Variants in ST6GALNAC5 observed in about 807,000 individuals in gnomAD.
ST6GALNAC5 encodes the protein ST6 N-acetylgalactosaminide alpha-2,6-sialyltransferase 5, also known as alpha-N-acetylgalactosaminide alpha-2,6-sialyltransferase 5.
In ST6GALNAC5, 27 loss-of-function variants were observed where a neutral mutation model predicts 33.6. That is an observed-to-expected ratio of 0.80 (90% CI 0.59 to 1.11). The LOEUF (loss-of-function observed/expected upper bound fraction) is 1.11. Among genes scored for constraint, ST6GALNAC5 ranks in the 50% least tolerant of loss-of-function variants. The pLI is 0.00. For synonymous variants in ST6GALNAC5, 194 were observed against 171.2 expected, an observed-to-expected ratio of 1.13 and a Z score of -1.04; for missense variants, 428 against 454.0, an observed-to-expected ratio of 0.94 and a Z score of 0.52.
At chr1:77,046,192 A>T (rs1652003896) in intron 3 of ST6GALNAC5, among the ~76,000 whole-genome samples, 1 of 152,228 alleles carries the variant, frequency 6.6e-6, no homozygotes, top group African/African-American at 2.4e-5. Flanking sequence ...AGGCAAGAGG[A>T]TGGCTTGAGC....
intron 3 of ST6GALNAC5, among the ~76,000 whole-genome samples, chr1:77,048,295 A>G (rs1652083226): frequency 6.6e-6 from 1 of 152,172 alleles, no homozygotes; most frequent in Non-Finnish European, 1.5e-5. Flanking sequence ...AGGGAATATA[A>G]GTGTGATTCC....
At chr1:76,941,025 A>G (rs1321795669) in intron 2 of ST6GALNAC5, among the ~76,000 whole-genome samples, 1 of 151,962 alleles carries the variant, frequency 6.6e-6, no homozygotes, top group Non-Finnish European at 1.5e-5. Context: ...AAAATTGAAT[A>G]CCCCCAATTT....
chr1:77,054,793 C>T (rs2100475214), intron 4 of ST6GALNAC5, among the ~76,000 whole-genome samples: 1 of 152,182 alleles, frequency 6.6e-6, no homozygotes, highest in South Asian at 2.1e-4. Flanking sequence ...TGAGTTACTT[C>T]TAGGAGTCAG....
intron 2 of ST6GALNAC5, among the ~76,000 whole-genome samples, chr1:76,926,015 C>G (rs1718919): frequency 0.075 from 11,349 of 152,154 alleles, 970 homozygotes; most frequent in African/African-American, 0.21. Context: ...AGAACTCTGA[C>G]AGCTCCGTGC....
rs373917284 is a variant in ST6GALNAC5 at position 77,021,000 on chromosome 1, A to G, written c.262-23204A>G. On this transcript the variant is annotated intron_variant, in intron 2 of 4. Coordinates refer to ENST00000477717, the MANE Select transcript of ST6GALNAC5 (RefSeq NM_030965.3). ...AGACAGAGAGCCAGGCAGAAGCCAC[A>G]TCACCAATTCTAATCTAGCCACAGA... Among the ~76,000 whole-genome samples the G allele has an allele frequency of 2.0e-5, 3 of 152,204 alleles. No homozygotes were observed. The South Asian group carries it at 6.2e-4, about 31-fold the overall frequency.
intron 2 of ST6GALNAC5, among the ~76,000 whole-genome samples, chr1:77,009,282 G>A (rs1040015602): frequency 6.6e-6 from 1 of 152,200 alleles, no homozygotes. Flanking sequence ...GCTGGGCCCA[G>A]TGAGAGTTTG....
intron 2 of ST6GALNAC5, among the ~76,000 whole-genome samples, chr1:76,968,908 C>T (rs962801471): frequency 6.6e-6 from 1 of 152,098 alleles, no homozygotes; most frequent in African/African-American, 2.4e-5. Flanking sequence ...AATATTGGCC[C>T]CCACTCTCTT....
chr1:76,980,644 G>A (rs1270565376), intron 2 of ST6GALNAC5, among the ~76,000 whole-genome samples: 1 of 152,096 alleles, frequency 6.6e-6, no homozygotes, highest in Non-Finnish European at 1.5e-5. Context: ...TTCAACAAAT[G>A]CTACCTGGAC....
intron 4 of ST6GALNAC5, among the ~76,000 whole-genome samples, chr1:77,054,679 C>A (rs1244301292): frequency 1.3e-5 from 2 of 152,082 alleles, no homozygotes; most frequent in Non-Finnish European, 2.9e-5. Context: ...AACTGCCAAG[C>A]AATCCGTGAG....
At chr1:77,044,070 G>A (rs1570130878) in intron 2 of ST6GALNAC5, 134 bp from the exon 3 acceptor site, 1 of 993,164 alleles carries the variant, frequency 1.0e-6, no homozygotes, top group East Asian at 2.7e-5. Context: ...ATAGCAGAAG[G>A]GATATACTCT....
At chr1:76,889,740 T>C (rs1025686621) in intron 2 of ST6GALNAC5, among the ~76,000 whole-genome samples, 16 of 152,158 alleles carry the variant, frequency 1.1e-4, no homozygotes, top group African/African-American at 3.6e-4. Flanking sequence ...TTTCTTTCAG[T>C]TTGCTAATTC....
At position 76,938,065 on chromosome 1, in the gene ST6GALNAC5, G is replaced by A. The variant is rs553238717; in HGVS notation, c.261+69323G>A. On this transcript the variant is annotated intron_variant, in intron 2 of 4. Coordinates refer to ENST00000477717, the MANE Select transcript of ST6GALNAC5 (RefSeq NM_030965.3). Reference sequence around the variant, plus strand: ...AGAAAGGTAGAAAGAGCATCGAGAAGAAAATGTTAGATTGGAAACAAAAGG... The same window carrying A: ...AGAAAGGTAGAAAGAGCATCGAGAAAAAAATGTTAGATTGGAAACAAAAGG... Among the ~76,000 whole-genome samples, 9 of 152,136 alleles carry A rather than the reference G, an allele frequency of 5.9e-5. 1 individual carries two copies. Among genetic ancestry groups the A allele is most frequent in the African/African-American group, 2.2e-4 (9 of 41,538 alleles).
intron 2 of ST6GALNAC5, among the ~76,000 whole-genome samples, chr1:77,008,729 C>T (rs1311948776): frequency 6.6e-6 from 1 of 152,120 alleles, no homozygotes; most frequent in Non-Finnish European, 1.5e-5. Context: ...TGGGTTTCAC[C>T]ATGTTGGTCA....
chr1:77,046,700 G>T (rs1037595749), intron 3 of ST6GALNAC5, among the ~76,000 whole-genome samples: 1 of 152,226 alleles, frequency 6.6e-6, no homozygotes, highest in Non-Finnish European at 1.5e-5. Flanking sequence ...AATCAAGAAG[G>T]AGGGGAATTA....
chr1:76,879,978 A>T (rs960735583), intron 2 of ST6GALNAC5, among the ~76,000 whole-genome samples: 2 of 152,186 alleles, frequency 1.3e-5, no homozygotes, highest in Admixed American at 6.5e-5. Flanking sequence ...CCACAATTTC[A>T]GCTCTTTCTC....
intron 4 of ST6GALNAC5, among the ~76,000 whole-genome samples, chr1:77,052,187 C>T (rs1450553290): frequency 6.6e-6 from 1 of 152,206 alleles, no homozygotes; most frequent in Non-Finnish European, 1.5e-5. Flanking sequence ...TCAAAAGGAC[C>T]CCTACGCCCA....
chr1:76,912,229 G>A (rs1326707467), intron 2 of ST6GALNAC5, among the ~76,000 whole-genome samples: 1 of 152,140 alleles, frequency 6.6e-6, no homozygotes, highest in Non-Finnish European at 1.5e-5. Flanking sequence ...ATGTACTTGA[G>A]TGGTTTTGAG....
intron 2 of ST6GALNAC5, among the ~76,000 whole-genome samples, chr1:76,877,026 G>A (rs1157822655): frequency 6.6e-6 from 1 of 152,154 alleles, no homozygotes; most frequent in Admixed American, 6.5e-5. Flanking sequence ...ATGATGGGAT[G>A]TTGCTGTGCA....
At position 77,050,297 on chromosome 1, in the gene ST6GALNAC5, A is replaced by G. The variant is rs143357043; in HGVS notation, c.711A>G (p.Thr237=). The G allele has an allele frequency of 4.4e-3, 7,127 of 1,614,112 alleles. 19 individuals are homozygous for G. Among genetic ancestry groups the G allele is most frequent in the Non-Finnish European group, 5.5e-3 (6,438 of 1,179,944 alleles). The change falls in exon 4 of 5, where the codon ACA becomes ACG. Residue 237 remains threonine (T), a synonymous_variant. Transcript: ENST00000477717. ...CTTGGCTCAGCACTGGCTGGTTTACAATGACAATTGCACTGGAGCTCTGTG... is the reference window on the plus strand; with the variant it reads ...CTTGGCTCAGCACTGGCTGGTTTACGATGACAATTGCACTGGAGCTCTGTG... ...SNTWLSTGWF[T]MTIALELCDR...
Sources: allele counts gnomAD v4.1 joint callset (sites outside exome capture counted in the v4.1 genomes callset), GRCh38; gene constraint gnomAD v4.1.1; transcripts MANE v1.5; gene names NCBI Gene and HGNC (gene_info 2026-07-23, HGNC 2026-07-21).